Variants in MARCHF3 observed in about 807,000 individuals in gnomAD.
The protein encoded by MARCHF3 is E3 ubiquitin-protein ligase MARCHF3.
MARCHF3 carries 13 observed loss-of-function variants against 24.2 expected under a neutral mutation model. The observed-to-expected ratio is 0.54, with a 90% CI of 0.35 to 0.85. MARCHF3 has a LOEUF of 0.85. Among genes scored for constraint, MARCHF3 ranks in the 40% least tolerant of loss-of-function variants. The probability of loss-of-function intolerance (pLI) is 0.01; values close to 1 mark genes in which losing one functional copy is unlikely to be tolerated. For missense variants in MARCHF3, 276 were observed against 325.0 expected (o/e 0.85, Z 1.16); for synonymous variants, 144 against 137.3 (o/e 1.05, Z -0.34).
At chr5:126,935,307 G>A (rs542631273) in intron 1 of MARCHF3, among the ~76,000 whole-genome samples, 2 of 152,186 alleles carry the variant, frequency 1.3e-5, no homozygotes, top group South Asian at 4.2e-4. Context: ...GTGAAGGTCC[G>A]AACAGAACAA....
intron 1 of MARCHF3, among the ~76,000 whole-genome samples, chr5:127,001,642 C>T (rs551519903): frequency 1.4e-4 from 22 of 152,266 alleles, no homozygotes; most frequent in African/African-American, 4.6e-4. Context: ...TACTTCTTTC[C>T]CTCTCCACTG....
intron 1 of MARCHF3, among the ~76,000 whole-genome samples, chr5:126,979,660 A>C (rs1751321363): frequency 6.6e-6 from 1 of 152,146 alleles, no homozygotes; most frequent in African/African-American, 2.4e-5. Flanking sequence ...ATTAGAAATG[A>C]AAGTGAGGCC....
At chr5:126,885,105 A>G (rs1488593493) in intron 3 of MARCHF3, among the ~76,000 whole-genome samples, 2 of 152,096 alleles carry the variant, frequency 1.3e-5, no homozygotes, top group Non-Finnish European at 2.9e-5. Context: ...TGTGAATGTT[A>G]CTCAGCTGTA....
At chr5:126,953,404 T>C (rs1750321032) in intron 1 of MARCHF3, among the ~76,000 whole-genome samples, 1 of 152,152 alleles carries the variant, frequency 6.6e-6, no homozygotes. Context: ...TAACATTCTT[T>C]CTCTCTTTTG....
chr5:126,919,382 A>G (rs2126795774), intron 1 of MARCHF3, among the ~76,000 whole-genome samples: 1 of 152,330 alleles, frequency 6.6e-6, no homozygotes, highest in Middle Eastern at 3.4e-3. Flanking sequence ...TGGGCTCAGT[A>G]GACAGCAGCA....
At chr5:126,889,176 G>A (rs145613141) in intron 3 of MARCHF3, among the ~76,000 whole-genome samples, 3 of 152,206 alleles carry the variant, frequency 2.0e-5, no homozygotes, top group Admixed American at 6.5e-5. Flanking sequence ...TGACCACTCC[G>A]TTGGACTGCT....
intron 4 of MARCHF3, among the ~76,000 whole-genome samples, chr5:126,872,118 T>G (rs1287098561): frequency 2.0e-5 from 3 of 150,066 alleles, no homozygotes; most frequent in Non-Finnish European, 3.0e-5. Context: ...TTGCTCTTGT[T>G]GCCCAGGCGG....
intron 1 of MARCHF3, among the ~76,000 whole-genome samples, chr5:126,934,044 A>G (rs1207744604): frequency 6.6e-6 from 1 of 152,208 alleles, no homozygotes; most frequent in Non-Finnish European, 1.5e-5. Context: ...TTTTTAAACT[A>G]CAAAAACATA....
intron 3 of MARCHF3, 131 bp downstream of exon 3, chr5:126,914,799 C>CACACACACAT: frequency 1.3e-6 from 1 of 773,102 alleles, no homozygotes; most frequent in Non-Finnish European, 2.2e-6. Context: ...CACACACACA[C>CACACACACAT]ACACACACAC....
intron 1 of MARCHF3, among the ~76,000 whole-genome samples, chr5:126,928,631 T>C (rs1310741638): frequency 6.6e-6 from 1 of 152,192 alleles, no homozygotes; most frequent in Non-Finnish European, 1.5e-5. Context: ...AAGTGTCAAA[T>C]AGAACATGAT....
At chr5:126,905,693 T>A (rs1285733507) in intron 3 of MARCHF3, among the ~76,000 whole-genome samples, 1 of 152,056 alleles carries the variant, frequency 6.6e-6, no homozygotes. Context: ...TGAAGTTGCT[T>A]ATCAGCTTAA....
At chr5:126,911,896 T>C (rs1754544912) in intron 3 of MARCHF3, among the ~76,000 whole-genome samples, 1 of 152,188 alleles carries the variant, frequency 6.6e-6, no homozygotes, top group Non-Finnish European at 1.5e-5. Flanking sequence ...AGAATACACA[T>C]TTTTTGAACA....
At chr5:126,910,696 G>T (rs925214753) in intron 3 of MARCHF3, among the ~76,000 whole-genome samples, 2 of 152,174 alleles carry the variant, frequency 1.3e-5, no homozygotes. Context: ...AGGACCCTGT[G>T]ATGATTGCAT....
At chr5:126,943,158 G>A (rs975547045) in intron 1 of MARCHF3, among the ~76,000 whole-genome samples, 8 of 152,174 alleles carry the variant, frequency 5.3e-5, no homozygotes, top group Non-Finnish European at 8.8e-5. Context: ...GCCTGGCCTG[G>A]TGGCAGGCGC....
chr5:126,989,607 T>C (rs1012347460), intron 1 of MARCHF3, among the ~76,000 whole-genome samples: 2 of 152,208 alleles, frequency 1.3e-5, no homozygotes, highest in Non-Finnish European at 2.9e-5. Flanking sequence ...AGATTCATCT[T>C]AACACCTTCC....
At chr5:126,881,531 A>C (rs890647299) in intron 3 of MARCHF3, among the ~76,000 whole-genome samples, 3 of 152,236 alleles carry the variant, frequency 2.0e-5, no homozygotes, top group African/African-American at 7.2e-5. Context: ...GAATTGTCTA[A>C]ATAAATTATG....
chr5:126,894,909 C>T (rs1394500030), intron 3 of MARCHF3, among the ~76,000 whole-genome samples: 1 of 151,892 alleles, frequency 6.6e-6, no homozygotes, highest in Non-Finnish European at 1.5e-5. Flanking sequence ...GAGTGTTTTC[C>T]AACTTGGTTC....
intron 4 of MARCHF3, among the ~76,000 whole-genome samples, chr5:126,875,915 A>G (rs1200576343): frequency 6.6e-6 from 1 of 152,204 alleles, no homozygotes; most frequent in Admixed American, 6.5e-5. Context: ...ATGAACAGAG[A>G]GGTTAAGTAT....
intron 1 of MARCHF3, among the ~76,000 whole-genome samples, chr5:126,922,121 G>A (rs1749129072): frequency 6.6e-6 from 1 of 152,212 alleles, no homozygotes. Context: ...GCGGCCACAG[G>A]TCGTGGGGGA....
Sources: gnomAD v4.1 joint callset for allele counts (sites outside exome capture counted in the v4.1 genomes callset) on GRCh38, gnomAD v4.1.1 for gene constraint, MANE v1.5 for transcripts, NCBI Gene and HGNC (gene_info 2026-07-23, HGNC 2026-07-21) for gene names.